The following ZZEF1 variants were observed in gnomAD, a reference collection of about 807,000 sequenced individuals.
ZZEF1 encodes the protein zinc finger ZZ-type and EF-hand domain-containing protein 1.
ZZEF1 carries 157 observed loss-of-function variants against 342.8 expected under a neutral mutation model. That is an observed-to-expected ratio of 0.46 (90% CI 0.40 to 0.52). The LOEUF (loss-of-function observed/expected upper bound fraction) is 0.52. Ranked by LOEUF, ZZEF1 falls within the 20% of genes least tolerant of loss-of-function variation. The pLI is 0.00. For synonymous variants in ZZEF1, 1,505 were observed against 1,429.1 expected (o/e 1.05, Z -1.20); for missense variants, 3,480 against 3,725.6 (o/e 0.93, Z 1.72).
chr17:4,112,033 AATATAT>A (rs57925351), intron 5 of ZZEF1, among the ~76,000 whole-genome samples: 91 of 54,264 alleles, frequency 1.7e-3, no homozygotes, highest in Non-Finnish European at 2.6e-3. Context: ...ATCCTGTCTA[AATATAT>A]ATATATATAT....
intron 16 of ZZEF1, among the ~76,000 whole-genome samples, chr17:4,082,823 T>G (rs1433398454): frequency 6.6e-6 from 1 of 152,194 alleles, no homozygotes; most frequent in African/African-American, 2.4e-5. Flanking sequence ...TTGCCTGGGC[T>G]GGAGTGCAAT....
At chr17:4,053,918 T>C (rs900530673) in intron 34 of ZZEF1, 139 bp downstream of exon 34, 6 of 923,034 alleles carry the variant, frequency 6.5e-6, no homozygotes, top group Admixed American at 6.0e-5. Flanking sequence ...ATAAGGCTCA[T>C]GTTCGCCAAG....
In ZZEF1 at chr17:4,076,744, C is replaced by G; in HGVS notation, c.3127G>C (p.Asp1043His). The G allele has an allele frequency of 6.2e-7, 1 of 1,609,930 alleles. No individual in the cohort carries two copies. Among genetic ancestry groups the G allele is most frequent in the Non-Finnish European group, 8.5e-7 (1 of 1,177,096 alleles). ...TGTGGGATGTCTAAAGTGCAGAAGTCCAGCAGGAAGATAACCTAATGGAAG... is the reference window on the plus strand; with the variant it reads ...TGTGGGATGTCTAAAGTGCAGAAGTGCAGCAGGAAGATAACCTAATGGAAG... ...AARQLVIFLL[D>H]FCTLDIPHCV... The change falls in exon 21 of 55, where the codon GAC becomes CAC. Residue 1043 changes from aspartate to histidine, a missense_variant. By Grantham distance (81) the Asp-to-His change is moderately conservative. Around this residue, in one of 5 missense-constraint regions of ZZEF1, gnomAD observed 1,528 missense variants for 1,624.1 expected, o/e 0.94. Transcript: ENST00000381638.
At chr17:4,079,575 G>C (rs1256554553) in intron 18 of ZZEF1, among the ~76,000 whole-genome samples, 4 of 152,016 alleles carry the variant, frequency 2.6e-5, no homozygotes, top group Non-Finnish European at 4.4e-5. Context: ...TAATGTGACA[G>C]CAAAAAATAG....
chr17:4,043,251 T>TG (rs2056840880), intron 38 of ZZEF1, among the ~76,000 whole-genome samples: 1 of 152,166 alleles, frequency 6.6e-6, no homozygotes, highest in African/African-American at 2.4e-5. Flanking sequence ...CACCTAGAGG[T>TG]GTTTCTGGAG....
At chr17:4,071,035 C>A in intron 25 of ZZEF1, 111 bp from the exon 26 acceptor site, 1 of 1,280,072 alleles carries the variant, frequency 7.8e-7, no homozygotes, top group East Asian at 2.4e-5. Flanking sequence ...GAACACTCTC[C>A]GGAAGTTTAA....
At chr17:4,129,429 AAATGTTCAC>A (rs1437097667) in intron 1 of ZZEF1, among the ~76,000 whole-genome samples, 1 of 152,206 alleles carries the variant, frequency 6.6e-6, no homozygotes, top group Non-Finnish European at 1.5e-5. Context: ...ACATACACAC[AAATGTTCAC>A]TGCAGCACTA....
intron 8 of ZZEF1, among the ~76,000 whole-genome samples, chr17:4,103,876 T>C (rs1386975337): frequency 1.3e-5 from 2 of 152,196 alleles, no homozygotes; most frequent in African/African-American, 4.8e-5. Context: ...GCCGTGATCA[T>C]GCCACTGCAC....
intron 34 of ZZEF1, among the ~76,000 whole-genome samples, chr17:4,053,095 T>C (rs2057085490): frequency 6.6e-6 from 1 of 152,246 alleles, no homozygotes; most frequent in African/African-American, 2.4e-5. Context: ...GTGTGAATAC[T>C]GTGACTGATT....
At chr17:4,027,711 T>C (rs2056448475) in intron 42 of ZZEF1, among the ~76,000 whole-genome samples, 2 of 151,272 alleles carry the variant, frequency 1.3e-5, no homozygotes, top group African/African-American at 4.9e-5. Context: ...GTGATCCTCC[T>C]GCCTCTGCAT....
chr17:4,010,298 G>C (rs2055912818), intron 52 of ZZEF1, among the ~76,000 whole-genome samples: 1 of 151,934 alleles, frequency 6.6e-6, no homozygotes, highest in African/African-American at 2.4e-5. Flanking sequence ...AGGTTGCAGT[G>C]AGCCATGAGT....
rs908259816 is a variant in ZZEF1 at position 4,017,247 on chromosome 17, C to T, written c.8001+124G>A. ...ACAGTGACCCTACCTTTGCTGCATT[C>T]ACACCTGTCAGGGAGCTGCACAGCC... On this transcript the variant is annotated intron_variant, in intron 48 of 54. Transcript: ENST00000381638. The surrounding 1 kb of genome is among the most constrained non-coding windows in gnomAD (Gnocchi z 5.1). The T allele has an allele frequency of 8.0e-6, 11 of 1,370,112 alleles. No individual in the cohort carries two copies. In the South Asian group the frequency reaches 1.3e-4, roughly 16 times the overall value. The allele number at this position is 1,370,112 out of a possible 1,614,324, so 84.9% of individuals were successfully genotyped here. A position where few individuals can be genotyped will look rare whatever the true frequency, so the allele number is the denominator to read the frequency against.
At position 4,136,783 on chromosome 17, in the gene ZZEF1, C is replaced by T. The variant is rs144469367; in HGVS notation, c.354+5759G>A. On this transcript the variant is annotated intron_variant, in intron 1 of 54. Coordinates refer to ENST00000381638, the MANE Select transcript of ZZEF1 (RefSeq NM_015113.4). Reference sequence around the variant, plus strand: ...AGGTGCTAAAGGATCATTCCCAAAACGTGCCATGCCCTCTCACTCCAGTAT... The same window carrying T: ...AGGTGCTAAAGGATCATTCCCAAAATGTGCCATGCCCTCTCACTCCAGTAT... Among the ~76,000 whole-genome samples, 803 of 152,270 alleles carry T rather than the reference C, an allele frequency of 5.3e-3. 2 individuals are homozygous for T. The highest frequency in any genetic ancestry group is 9.7e-3 in the South Asian group (47 of 4,828).
chr17:4,078,974 G>C (rs1483932705), intron 18 of ZZEF1, among the ~76,000 whole-genome samples: 1 of 152,208 alleles, frequency 6.6e-6, no homozygotes, highest in East Asian at 1.9e-4. Context: ...ATTAATAGCT[G>C]CATCTCTAGC....
rs142899083 is a variant in ZZEF1, at chr17:4,048,962, C to T, written c.6015+746G>A. 3.8e-3 allele frequency among the ~76,000 whole-genome samples: 576 copies of T among 151,420 alleles called. 7 individuals are homozygous for T. The highest frequency in any genetic ancestry group is 0.013 in the African/African-American group (539 of 41,268). ...CTTGAACATCTGACCTTGTGATCCGCCCACCTTGGCCTCCCAAAGTGCTGG... is the reference window on the plus strand; with the variant it reads ...CTTGAACATCTGACCTTGTGATCCGTCCACCTTGGCCTCCCAAAGTGCTGG... On this transcript the variant is annotated intron_variant, in intron 37 of 54. Coordinates refer to ENST00000381638, the MANE Select transcript of ZZEF1 (RefSeq NM_015113.4).
rs1161249223 is a variant in ZZEF1 at position 4,014,805 on chromosome 17, G to A, written c.8146-290C>T. ...GACCCTGTTAGGAGAAGGCGGGAGT[G>A]GGAGACAAGGTGGACCTGAGTGCAT... On this transcript the variant is annotated intron_variant, in intron 49 of 54. Transcript: ENST00000381638. The surrounding 1 kb of genome is among the most constrained non-coding windows in gnomAD (Gnocchi z 4.4). Among the ~76,000 whole-genome samples, 2 of 152,188 alleles carry A rather than the reference G, an allele frequency of 1.3e-5. No individual in the cohort carries two copies. The highest frequency in any genetic ancestry group is 2.4e-5 in the African/African-American group (1 of 41,442).
chr17:4,009,506 A>C, intron 53 of ZZEF1, 98 bp downstream of exon 53: 1 of 1,555,158 alleles, frequency 6.4e-7, no homozygotes, highest in Non-Finnish European at 8.8e-7. Context: ...GACCCTGGCC[A>C]CTCAGGCTCG....
intron 1 of ZZEF1, among the ~76,000 whole-genome samples, chr17:4,139,868 T>C (rs1367341390): frequency 6.6e-6 from 1 of 152,256 alleles, no homozygotes; most frequent in Non-Finnish European, 1.5e-5. Context: ...GCTGAATATA[T>C]GGCCACGGAA....
At position 4,014,103 on chromosome 17, in the gene ZZEF1, C is replaced by T. The variant is rs764916156; in HGVS notation, c.8400G>A (p.Gly2800=). The change falls in exon 51 of 55, where the codon GGG becomes GGA. Residue 2800 remains glycine (G), a synonymous_variant. Coordinates refer to ENST00000381638, the MANE Select transcript of ZZEF1 (RefSeq NM_015113.4). This position sits in a 1 kb window ranked among gnomAD's most constrained non-coding sequence, Gnocchi z 4.4. The part of the protein sequence containing the change: ...YRFTVTAGHL[G]RFQTGFEILK... ...CAGAGCACACACCTGTCTGGAACCG[C>T]CCCAGGTGTCCGGCCGTCACGGTGA... is the stretch of plus-strand genomic sequence containing the variant. The T allele has an allele frequency of 1.2e-6, 2 of 1,614,146 alleles. No individual in the cohort carries two copies. The highest frequency in any genetic ancestry group is 4.5e-5 in the East Asian group (2 of 44,888).
Sources: gnomAD v4.1 joint callset for allele counts (sites outside exome capture counted in the v4.1 genomes callset) on GRCh38, gnomAD v4.1.1 for gene constraint, gnomAD v4.1.1 regional missense constraint, Gnocchi (gnomAD v3.1) non-coding constraint, MANE v1.5 for transcripts, NCBI Gene and HGNC (gene_info 2026-07-23, HGNC 2026-07-21) for gene names.